OSBPL3: variants seen among roughly 807,000 people sequenced by gnomAD.
The protein encoded by OSBPL3 is oxysterol binding protein like 3.
A neutral mutation model predicts 120.1 loss-of-function variants in OSBPL3; 65 were observed. The ratio of observed to expected loss-of-function variants is 0.54; its 90% CI spans 0.44 to 0.67. The LOEUF (loss-of-function observed/expected upper bound fraction) is 0.67. Ranked by LOEUF, OSBPL3 falls within the 30% of genes least tolerant of loss-of-function variation. OSBPL3 has a pLI of 0.00. For synonymous variants in OSBPL3, 416 were observed against 402.6 expected, an observed-to-expected ratio of 1.03 and a Z score of -0.40; for missense variants, 1,004 against 1,082.1, an observed-to-expected ratio of 0.93 and a Z score of 1.01.
rs116793324 is a variant in OSBPL3, at chr7:24,968,878, C to T, written c.-150+11008G>A. Among the ~76,000 whole-genome samples, 53 of 152,140 alleles carry T rather than the reference C, an allele frequency of 3.5e-4. No individual in the cohort carries two copies. Among genetic ancestry groups the T allele is most frequent in the Non-Finnish European group, 7.1e-4 (48 of 68,012 alleles). ...AAATGTAGAGCTGCCTCATTTTTAA[C>T]GGCTCTATTATTTTTAATTAGTACT... On this transcript the variant is annotated intron_variant, in intron 1 of 22. Transcript: ENST00000313367. This position sits in a 1 kb window ranked among gnomAD's most constrained non-coding sequence, Gnocchi z 4.6.
rs1373120172 is a variant in OSBPL3 at position 24,883,766 on chromosome 7, G to A, written c.96+8611C>T. On this transcript the variant is annotated intron_variant, in intron 2 of 22. Transcript: ENST00000313367. This position sits in a 1 kb window ranked among gnomAD's most constrained non-coding sequence, Gnocchi z 5.4. ...ATGCAGCTGACAGTCTGTCATTTGT[G>A]GATGTGGAGAGGAACAAAGAAGTCC... Among the ~76,000 whole-genome samples the A allele has an allele frequency of 6.6e-6, 1 of 152,142 alleles. No homozygotes were observed. Among genetic ancestry groups the A allele is most frequent in the African/African-American group, 2.4e-5 (1 of 41,424 alleles).
rs1387671051 is a variant in OSBPL3 at position 24,965,894 on chromosome 7, G to A, written c.-150+13992C>T. ...AGTCCCTCCAGGACACTCTGACACTGCTGAGGTTTAGAACCACTTCCCTCA... is the reference window on the plus strand; with the variant it reads ...AGTCCCTCCAGGACACTCTGACACTACTGAGGTTTAGAACCACTTCCCTCA... On this transcript the variant is annotated intron_variant, in intron 1 of 22. Transcript: ENST00000313367. This position sits in a 1 kb window ranked among gnomAD's most constrained non-coding sequence, Gnocchi z 4.3. 1.3e-5 allele frequency among the ~76,000 whole-genome samples: 2 copies of A among 152,128 alleles called. No homozygotes were observed. Among genetic ancestry groups the A allele is most frequent in the Admixed American group, 6.5e-5 (1 of 15,274 alleles).
At chr7:24,828,606 G>GAAAAAAGAAAAAAAAAAAA (rs1491571662) in intron 16 of OSBPL3, among the ~76,000 whole-genome samples, 2 of 32,522 alleles carry the variant, frequency 6.1e-5, no homozygotes, top group Admixed American at 4.5e-4. Context: ...GACTCTGTCT[G>GAAAAAAGAAAAAAAAAAAA]AAAAAAAAAA....
Position 24,879,589 on chromosome 7 carries a change from G to A in OSBPL3, c.97-7520C>T, listed in dbSNP as rs1460414466. 6.6e-6 allele frequency among the ~76,000 whole-genome samples: 1 copy of A among 152,148 alleles called. No individual in the cohort carries two copies. The highest frequency in any genetic ancestry group is 2.4e-5 in the African/African-American group (1 of 41,432). ...GGGAGAATATTCATGCTGTCTTTGT[G>A]GTGAACCCTTGAGAAAGGGAAGGAA... On this transcript the variant is annotated intron_variant, in intron 2 of 22. Transcript: ENST00000313367. The surrounding 1 kb of genome is among the most constrained non-coding windows in gnomAD (Gnocchi z 5.6).
At chr7:24,917,446 T>TATATATATATATATATATAC (rs1366145573) in intron 1 of OSBPL3, among the ~76,000 whole-genome samples, 1 of 122,230 alleles carries the variant, frequency 8.2e-6, no homozygotes, top group Non-Finnish European at 1.7e-5. Context: ...TATATATATA[T>TATATATATATATATATATAC]ACACACACAT....
At chr7:24,976,984 G>T (rs939476325) in intron 1 of OSBPL3, among the ~76,000 whole-genome samples, 2 of 152,172 alleles carry the variant, frequency 1.3e-5, no homozygotes, top group Non-Finnish European at 2.9e-5. Context: ...CAGTGTCAGC[G>T]TAAGAGTAGA....
Position 24,863,492 on chromosome 7 carries a change from T to G in OSBPL3, c.777+4A>C. The G allele has an allele frequency of 6.2e-7, 1 of 1,608,740 alleles. No homozygotes were observed. ...AATGTCAACAGAAGAGGAGTCCGGCTCACCTGGATGGCGTTGATAGCTGGT... is the reference window on the plus strand; with the variant it reads ...AATGTCAACAGAAGAGGAGTCCGGCGCACCTGGATGGCGTTGATAGCTGGT... On this transcript the variant is annotated splice_donor_region_variant and intron_variant, in intron 8 of 22. Coordinates refer to ENST00000313367, the MANE Select transcript of OSBPL3 (RefSeq NM_015550.4). This position sits in a 1 kb window ranked among gnomAD's most constrained non-coding sequence, Gnocchi z 5.8.
At chr7:24,897,008 GT>G (rs1470077553) in intron 1 of OSBPL3, among the ~76,000 whole-genome samples, 2 of 149,956 alleles carry the variant, frequency 1.3e-5, no homozygotes, top group Non-Finnish European at 3.0e-5. Context: ...GGAGGCAGAG[GT>G]TGCAGTGAAC....
intron 1 of OSBPL3, among the ~76,000 whole-genome samples, chr7:24,935,086 T>C (rs1005364565): frequency 3.3e-5 from 5 of 152,130 alleles, no homozygotes; most frequent in African/African-American, 1.2e-4. Flanking sequence ...GCATAGAAAA[T>C]TTGATAAATA....
In OSBPL3 at chr7:24,803,381, G is replaced by A. The variant is rs142915233; in HGVS notation, c.2567+934C>T. On this transcript the variant is annotated intron_variant, in intron 22 of 22. Coordinates refer to ENST00000313367, the MANE Select transcript of OSBPL3 (RefSeq NM_015550.4). This position sits in a 1 kb window ranked among gnomAD's most constrained non-coding sequence, Gnocchi z 4.2. ...AGGCCCCATTCCAGGGTATTATACC[G>A]AGTCCTTCAACAGATCCCCCACCTG... 0.01 allele frequency among the ~76,000 whole-genome samples: 1,528 copies of A among 152,238 alleles called. 14 individuals are homozygous for A. The highest frequency in any genetic ancestry group is 0.016 in the Non-Finnish European group (1,059 of 68,006).
Position 24,916,111 on chromosome 7 carries a change from G to A in OSBPL3, c.-149-23490C>T, listed in dbSNP as rs80188145. Among the ~76,000 whole-genome samples the A allele has an allele frequency of 6.6e-6, 1 of 152,200 alleles. No individual in the cohort carries two copies. Among genetic ancestry groups the A allele is most frequent in the Non-Finnish European group, 1.5e-5 (1 of 68,038 alleles). On this transcript the variant is annotated intron_variant, in intron 1 of 22. Coordinates refer to ENST00000313367, the MANE Select transcript of OSBPL3 (RefSeq NM_015550.4). The surrounding 1 kb of genome is among the most constrained non-coding windows in gnomAD (Gnocchi z 4.9). ...TGTCCTGTTATTCTCAATCCATCCT[G>A]ACTCCCAACCTTGTGATGGTTTTCA...
rs564724265 is a variant in OSBPL3 at position 24,952,549 on chromosome 7, T to C, written c.-150+27337A>G. On this transcript the variant is annotated intron_variant, in intron 1 of 22. Transcript: ENST00000313367. This position sits in a 1 kb window ranked among gnomAD's most constrained non-coding sequence, Gnocchi z 4.4. The stretch of plus-strand genomic sequence containing the variant: ...AATTTTAGATGTTGCTCTATAAATA[T>C]GGAAAGATGCTCATATGAGCCACCT... 7.0e-4 allele frequency among the ~76,000 whole-genome samples: 106 copies of C among 152,348 alleles called. No individual in the cohort carries two copies. Among genetic ancestry groups the C allele is most frequent in the Admixed American group, 1.6e-3 (25 of 15,304 alleles).
In OSBPL3 at chr7:24,862,252, C is replaced by T. The variant is rs986709284; in HGVS notation, c.871-483G>A. On this transcript the variant is annotated intron_variant, in intron 9 of 22. Transcript: ENST00000313367. This position sits in a 1 kb window ranked among gnomAD's most constrained non-coding sequence, Gnocchi z 4.4. ...TGAGAACTCAAGACAACACTTTCCACAGAAACTTGCTTCTTGTGAGCTAAA... is the reference window on the plus strand; with the variant it reads ...TGAGAACTCAAGACAACACTTTCCATAGAAACTTGCTTCTTGTGAGCTAAA... 6.6e-6 allele frequency among the ~76,000 whole-genome samples: 1 copy of T among 152,308 alleles called. No individual in the cohort carries two copies. Among genetic ancestry groups the T allele is most frequent in the Non-Finnish European group, 1.5e-5 (1 of 68,034 alleles).
Position 24,938,487 on chromosome 7 carries a change from G to C in OSBPL3, c.-150+41399C>G, listed in dbSNP as rs1269901204. 6.6e-6 allele frequency among the ~76,000 whole-genome samples: 1 copy of C among 152,154 alleles called. No individual in the cohort carries two copies. Among genetic ancestry groups the C allele is most frequent in the Non-Finnish European group, 1.5e-5 (1 of 68,020 alleles). On this transcript the variant is annotated intron_variant, in intron 1 of 22. Transcript: ENST00000313367. This position sits in a 1 kb window ranked among gnomAD's most constrained non-coding sequence, Gnocchi z 5.8. ...TCCAAAGCTGATATGGCAGCTTCAT[G>C]GTTATAATGACCAAAGATCCTTCTA... is the stretch of plus-strand genomic sequence containing the variant.
rs1562774794 is a variant in OSBPL3, at chr7:24,820,804, A to G, written c.1885-566T>C. Among the ~76,000 whole-genome samples, 2 of 129,724 alleles carry G rather than the reference A, an allele frequency of 1.5e-5. No individual in the cohort carries two copies. The highest frequency in any genetic ancestry group is 7.9e-5 in the Admixed American group (1 of 12,686). 85.1% of individuals were successfully genotyped at this position (129,724 alleles called of 152,430 possible). On this transcript the variant is annotated intron_variant, in intron 16 of 22. Transcript: ENST00000313367. This position sits in a 1 kb window ranked among gnomAD's most constrained non-coding sequence, Gnocchi z 4.6. ...CAATGCAAGGTAATTTTTTTAAAAAAGAGTGTTTCTATTAAAAAAAAAAAA... is the reference window on the plus strand; with the variant it reads ...CAATGCAAGGTAATTTTTTTAAAAAGGAGTGTTTCTATTAAAAAAAAAAAA...
At chr7:24,921,610 T>C (rs1354404831) in intron 1 of OSBPL3, among the ~76,000 whole-genome samples, 1 of 152,108 alleles carries the variant, frequency 6.6e-6, no homozygotes, top group African/African-American at 2.4e-5. Flanking sequence ...GTAGAAACAG[T>C]GTACCCTCTA....
rs771949315 is a variant in OSBPL3, at chr7:24,809,898, C to T, written c.2226G>A (p.Arg742=). The change falls in exon 20 of 23, where the codon AGG becomes AGA. Residue 742 remains arginine (R), a synonymous_variant. Coordinates refer to ENST00000313367, the MANE Select transcript of OSBPL3 (RefSeq NM_015550.4). ...AHEIEGTVFD[R]SGKAVHRLFG... is the part of the protein sequence containing the mutation. ...ACAGCCGATGAACCGCTTTTCCACT[C>T]CTGTCAAACACTGTGCCTTCAATCT... 1 of 1,614,172 alleles carries T rather than the reference C, an allele frequency of 6.2e-7. No homozygotes were observed. Among genetic ancestry groups the T allele is most frequent in the Non-Finnish European group, 8.5e-7 (1 of 1,179,998 alleles).
chr7:24,951,037 A>C (rs1040096316), intron 1 of OSBPL3, among the ~76,000 whole-genome samples: 17 of 152,216 alleles, frequency 1.1e-4, no homozygotes, highest in African/African-American at 3.4e-4. Context: ...AGCCCCATTA[A>C]ATGATCATTT....
chr7:24,854,438 G>T lies in OSBPL3; in HGVS notation c.1028-1804C>A, dbSNP rs984888153. The stretch of plus-strand genomic sequence containing the variant: ...GTTGTTGCTGAACTTGTCTGAGGTT[G>T]TGGCATTTAGTGATGGACCTGAAAC... On this transcript the variant is annotated intron_variant, in intron 10 of 22. Transcript: ENST00000313367. The surrounding 1 kb of genome is among the most constrained non-coding windows in gnomAD (Gnocchi z 4.1). Among the ~76,000 whole-genome samples, 1 of 151,732 alleles carries T rather than the reference G, an allele frequency of 6.6e-6. No homozygotes were observed. Among genetic ancestry groups the T allele is most frequent in the Non-Finnish European group, 1.5e-5 (1 of 67,964 alleles).
Sources: gnomAD v4.1 joint callset for allele counts (sites outside exome capture counted in the v4.1 genomes callset) on GRCh38, gnomAD v4.1.1 for gene constraint, Gnocchi (gnomAD v3.1) non-coding constraint, MANE v1.5 for transcripts, NCBI Gene and HGNC (gene_info 2026-07-23, HGNC 2026-07-21) for gene names.